The following MAD1L1 variants were observed in gnomAD, a reference collection of about 807,000 sequenced individuals.
MAD1L1 encodes mitotic spindle assembly checkpoint protein MAD1.
A neutral mutation model predicts 96.9 loss-of-function variants in MAD1L1; 95 were observed. The observed-to-expected ratio is 0.98, with a 90% CI of 0.83 to 1.16. MAD1L1 has a LOEUF of 1.16. MAD1L1 is among the 50% of genes most tolerant of loss of function. The pLI is 0.00. For synonymous variants in MAD1L1, 473 were observed against 396.6 expected, an observed-to-expected ratio of 1.19 and a Z score of -2.29; for missense variants, 1,007 against 954.4, an observed-to-expected ratio of 1.06 and a Z score of -0.73.
intron 15 of MAD1L1, among the ~76,000 whole-genome samples, chr7:1,978,505 CT>C (rs1392718713): frequency 6.6e-6 from 1 of 152,220 alleles, no homozygotes; most frequent in Non-Finnish European, 1.5e-5. Flanking sequence ...CCAGTGCTTT[CT>C]CCAGTCACAT....
At chr7:1,972,251 C>T (rs942598062) in intron 15 of MAD1L1, among the ~76,000 whole-genome samples, 2 of 152,218 alleles carry the variant, frequency 1.3e-5, no homozygotes, top group African/African-American at 4.8e-5. Context: ...TAAACCCTAG[C>T]AATCTCTTCA....
chr7:1,943,901 G>A (rs2128467987), intron 16 of MAD1L1, among the ~76,000 whole-genome samples: 1 of 152,322 alleles, frequency 6.6e-6, no homozygotes, highest in East Asian at 1.9e-4. Flanking sequence ...GCCACAAGAA[G>A]GAACACAAGG....
chr7:1,986,501 G>A (rs527517087), intron 14 of MAD1L1, among the ~76,000 whole-genome samples: 51 of 148,280 alleles, frequency 3.4e-4, no homozygotes, highest in Non-Finnish European at 6.5e-4. Flanking sequence ...CCCTCGCGCC[G>A]GCAAGGGGGT....
intron 17 of MAD1L1, among the ~76,000 whole-genome samples, chr7:1,925,507 T>C (rs1789036507): frequency 6.6e-6 from 1 of 152,160 alleles, no homozygotes; most frequent in Non-Finnish European, 1.5e-5. Context: ...CGCCATCACA[T>C]GGTGGACGGC....
chr7:2,033,957 G>A (rs79625046), intron 12 of MAD1L1, among the ~76,000 whole-genome samples: 3,633 of 152,188 alleles, frequency 0.024, 85 homozygotes, highest in Non-Finnish European at 0.026. Context: ...TTAGCCAGGC[G>A]GGGCGGCATG....
At chr7:2,122,969 C>G (rs1001130166) in intron 11 of MAD1L1, among the ~76,000 whole-genome samples, 2 of 152,174 alleles carry the variant, frequency 1.3e-5, no homozygotes, top group African/African-American at 4.8e-5. Flanking sequence ...TCAAGGCGAC[C>G]GGTACCTCAC....
Position 1,936,772 on chromosome 7 carries a change from G to C in MAD1L1, c.1722C>G (p.Leu574=). 6.3e-7 allele frequency: 1 copy of C among 1,575,244 alleles called. No homozygotes were observed. Among genetic ancestry groups the C allele is most frequent in the Non-Finnish European group, 8.6e-7 (1 of 1,161,684 alleles). Residue 574 remains leucine, a synonymous_variant, in exon 17 of 19, where the codon CTC becomes CTG. Coordinates refer to ENST00000265854, the MANE Select transcript of MAD1L1 (RefSeq NM_001013836.2). ...LQAECERLRG[L]LRAMERGGTV... Reference sequence around the variant, plus strand: ...TGCCTCCTCTCTCCATGGCGCGCAGGAGCCCGCGCAGTCGCTCGCACTCCG... The same window carrying C: ...TGCCTCCTCTCTCCATGGCGCGCAGCAGCCCGCGCAGTCGCTCGCACTCCG...
chr7:2,225,385 C>A (rs74431414), intron 4 of MAD1L1, 25 bp downstream of exon 4: 41,152 of 1,610,836 alleles, frequency 0.026, 644 homozygotes, highest in Middle Eastern at 0.042. Context: ...CTGTCTGGGC[C>A]GACCCTCGCC....
At position 2,221,006 on chromosome 7, in the gene MAD1L1, G is replaced by A. The variant is rs1316160035; in HGVS notation, c.472-1550C>T. ...GCATAAGATAATTCCAGAGTAAGGA[G>A]CGTGACAATCAGGACCCTGTGACAG... is the stretch of plus-strand genomic sequence containing the variant. On this transcript the variant is annotated intron_variant, in intron 5 of 18. Transcript: ENST00000265854. The A allele has an allele frequency of 4.3e-6, 7 of 1,612,436 alleles. No individual in the cohort carries two copies. In the East Asian group the frequency reaches 6.7e-5, roughly 15 times the overall value.
chr7:1,842,543 G>GC (rs771529669), intron 18 of MAD1L1, among the ~76,000 whole-genome samples: 60 of 152,254 alleles, frequency 3.9e-4, no homozygotes, highest in Non-Finnish European at 6.3e-4. Flanking sequence ...GTGCTCACTG[G>GC]CCCCCCAGGC....
chr7:1,844,635 T>C (rs1562448569), intron 18 of MAD1L1, among the ~76,000 whole-genome samples: 1 of 151,314 alleles, frequency 6.6e-6, no homozygotes, highest in East Asian at 1.9e-4. Flanking sequence ...TTGGTGACCA[T>C]CCCCCCAAAG....
At position 2,142,407 on chromosome 7, in the gene MAD1L1, G is replaced by C. The variant is rs2128575625; in HGVS notation, c.1073+6745C>G. On this transcript the variant is annotated intron_variant, in intron 11 of 18. Coordinates refer to ENST00000265854, the MANE Select transcript of MAD1L1 (RefSeq NM_001013836.2). The surrounding 1 kb of genome is among the most constrained non-coding windows in gnomAD (Gnocchi z 4.7). ...AGGTGCACTGTGCGTCCCAGGCATG[G>C]TCCGGGGCTGCGGGAGAAACTCTTG... 6.6e-6 allele frequency among the ~76,000 whole-genome samples: 1 copy of C among 152,348 alleles called. No individual in the cohort carries two copies. The highest frequency in any genetic ancestry group is 2.1e-4 in the South Asian group (1 of 4,830).
At chr7:1,970,074 G>A (rs138158046) in intron 15 of MAD1L1, among the ~76,000 whole-genome samples, 102 of 152,278 alleles carry the variant, frequency 6.7e-4, no homozygotes, top group African/African-American at 2.1e-3. Context: ...GCTCGAGGGC[G>A]TTGTGCTGAA....
chr7:1,920,507 C>CG (rs1428885788), intron 17 of MAD1L1, among the ~76,000 whole-genome samples: 1 of 152,070 alleles, frequency 6.6e-6, no homozygotes, highest in Non-Finnish European at 1.5e-5. Flanking sequence ...CCCACGGGAG[C>CG]GGGGGGAACC....
At chr7:2,189,826 C>A (rs566093457) in intron 10 of MAD1L1, among the ~76,000 whole-genome samples, 2 of 152,072 alleles carry the variant, frequency 1.3e-5, no homozygotes, top group African/African-American at 4.8e-5. Flanking sequence ...TACAACAAAT[C>A]GGGGAAAAGA....
intron 11 of MAD1L1, among the ~76,000 whole-genome samples, chr7:2,121,295 G>A (rs1787966168): frequency 6.6e-6 from 1 of 152,238 alleles, no homozygotes; most frequent in South Asian, 2.1e-4. Flanking sequence ...CCCAACCTCT[G>A]TTCAGCGTCA....
chr7:1,915,983 T>A (rs1788362848), intron 17 of MAD1L1, among the ~76,000 whole-genome samples: 1 of 152,172 alleles, frequency 6.6e-6, no homozygotes, highest in Admixed American at 6.5e-5. Flanking sequence ...CACAATCCAG[T>A]CGAAAATGGC....
At chr7:2,000,887 G>C (rs1325685127) in intron 14 of MAD1L1, among the ~76,000 whole-genome samples, 2 of 152,180 alleles carry the variant, frequency 1.3e-5, no homozygotes, top group Non-Finnish European at 2.9e-5. Context: ...CTGCGCCGCT[G>C]GGCAGCTTCT....
intron 14 of MAD1L1, among the ~76,000 whole-genome samples, chr7:1,995,093 C>T (rs1278584712): frequency 5.3e-5 from 8 of 152,242 alleles, no homozygotes; most frequent in Non-Finnish European, 1.5e-5. Flanking sequence ...AGAAGAGGCA[C>T]TCAACAAATG....
Sources: allele counts gnomAD v4.1 joint callset (sites outside exome capture counted in the v4.1 genomes callset), GRCh38; gene constraint gnomAD v4.1.1; non-coding constraint Gnocchi (gnomAD v3.1); transcripts MANE v1.5; gene names NCBI Gene and HGNC (gene_info 2026-07-23, HGNC 2026-07-21).